The following RNF130 variants were observed in gnomAD, a reference collection of about 807,000 sequenced individuals.
The protein encoded by RNF130 is ring finger protein 130, also known as E3 ubiquitin-protein ligase RNF130.
RNF130 carries 21 observed loss-of-function variants against 44.6 expected under a neutral mutation model. That is an observed-to-expected ratio of 0.47 (90% CI 0.33 to 0.68). RNF130 has a LOEUF of 0.68. Among genes scored for constraint, RNF130 ranks in the 30% least tolerant of loss-of-function variants. The pLI is 0.02. For missense variants in RNF130, 479 were observed against 560.6 expected, an observed-to-expected ratio of 0.85 and a Z score of 1.47; for synonymous variants, 214 against 210.4, an observed-to-expected ratio of 1.02 and a Z score of -0.15.
Position 179,980,162 on chromosome 5 carries a change from T to C in RNF130, c.732A>G (p.Lys244=), listed in dbSNP as rs1445219526. 1 of 1,614,190 alleles carries C rather than the reference T, an allele frequency of 6.2e-7. No individual in the cohort carries two copies. Among genetic ancestry groups the C allele is most frequent in the African/African-American group, 1.3e-5 (1 of 75,070 alleles). Residue 244 remains lysine, a synonymous_variant, in exon 4 of 9, where the codon AAA becomes AAG. Coordinates refer to ENST00000521389, the MANE Select transcript of RNF130 (RefSeq NM_018434.6). ...CCTTCTTTACTGTCCTGGTTGTCAA[T>C]TTACTGATGGCTTTCTTGGCTGCAT... ...LGDAAKKAIS[K]LTTRTVKKGD...
chr5:179,981,130 G>A (rs1381116353), intron 3 of RNF130, among the ~76,000 whole-genome samples: 5 of 152,032 alleles, frequency 3.3e-5, no homozygotes, highest in Admixed American at 6.6e-5. Flanking sequence ...GTGGGTTCCA[G>A]GCAAAGTAAT....
At chr5:179,915,301 T>G (rs560064606) in exon 8 of RNF130, 18 of 152,218 alleles carry the variant, frequency 1.2e-4, no homozygotes, top group African/African-American at 4.3e-4. Flanking sequence ...TGCACTCCAG[T>G]CTGGGCGACA....
intron 2 of RNF130, among the ~76,000 whole-genome samples, chr5:180,019,360 G>A (rs1763820117): frequency 1.3e-5 from 2 of 151,374 alleles, no homozygotes; most frequent in Non-Finnish European, 2.9e-5. Context: ...CTCCAGCCTG[G>A]GCGACAGAGC....
At chr5:179,984,463 C>T (rs762286621) in intron 3 of RNF130, among the ~76,000 whole-genome samples, 5 of 152,110 alleles carry the variant, frequency 3.3e-5, no homozygotes, top group Admixed American at 6.6e-5. Context: ...AATCAGGAAT[C>T]GATGTTGGAC....
chr5:179,927,486 C>T (rs966341832), intron 7 of RNF130, among the ~76,000 whole-genome samples: 4 of 152,198 alleles, frequency 2.6e-5, no homozygotes, highest in African/African-American at 9.6e-5. Context: ...ATACTACCAG[C>T]GCCCTACAAG....
chr5:179,986,686 C>T (rs971636809), intron 3 of RNF130, among the ~76,000 whole-genome samples: 1 of 152,154 alleles, frequency 6.6e-6, no homozygotes, highest in Non-Finnish European at 1.5e-5. Context: ...TACATTTCTT[C>T]CAACTGTGAA....
In RNF130 at chr5:179,978,197, A is replaced by G. The variant is rs1762759287; in HGVS notation, c.848+6T>C. 1 of 1,603,752 alleles carries G rather than the reference A, an allele frequency of 6.2e-7. No homozygotes were observed. The highest frequency in any genetic ancestry group is 1.3e-5 in the African/African-American group (1 of 74,692). ...ATTCTTTCTCAAACAAATGAAGTTG[A>G]CATACTTGCAGGGGAGAATTCGGAC... is the stretch of plus-strand genomic sequence containing the variant. On this transcript the variant is annotated splice_donor_region_variant and intron_variant, in intron 5 of 8. Transcript: ENST00000521389.
chr5:180,003,261 G>A (rs11740637), intron 3 of RNF130, among the ~76,000 whole-genome samples: 12,692 of 152,194 alleles, frequency 0.083, 637 homozygotes, highest in Middle Eastern at 0.15. Context: ...CTTCTGGCTC[G>A]GTGATGAGCC....
intron 5 of RNF130, among the ~76,000 whole-genome samples, chr5:179,972,019 T>C (rs927939582): frequency 4.6e-5 from 7 of 152,230 alleles, no homozygotes; most frequent in African/African-American, 1.7e-4. Flanking sequence ...AGGCATTTAT[T>C]TAAACCTTAA....
chr5:180,013,216 C>T lies in RNF130; in HGVS notation c.538G>A (p.Ala180Thr). 6.2e-7 allele frequency: 1 copy of T among 1,614,156 alleles called. No homozygotes were observed. The highest frequency in any genetic ancestry group is 8.5e-7 in the Non-Finnish European group (1 of 1,180,024). ...EKNISVQMTIAVGTRMPPKNF... is the reference protein window; with the variant it reads ...EKNISVQMTITVGTRMPPKNF... ...TTCGGTGGCATTCGAGTTCCAACAG[C>T]TATTGTCATTTGTACAGAGATGTTT... is the stretch of plus-strand genomic sequence containing the variant. The change falls in exon 3 of 9, where the codon GCT becomes ACT. Residue 180 changes from alanine to threonine, a missense_variant. By Grantham distance (58) the Ala-to-Thr change is moderately conservative. This residue lies in a region of RNF130 where 180 missense variants were observed against 275.1 expected (regional missense o/e 0.65). Transcript: ENST00000521389.
chr5:179,957,228 A>G (rs956242598), intron 8 of RNF130, among the ~76,000 whole-genome samples: 2 of 152,204 alleles, frequency 1.3e-5, no homozygotes, highest in African/African-American at 4.8e-5. Flanking sequence ...CCTGGCCCAC[A>G]TGGCAAAACC....
chr5:179,962,835 C>T (rs1417231123), intron 8 of RNF130, among the ~76,000 whole-genome samples: 7 of 152,118 alleles, frequency 4.6e-5, no homozygotes, highest in Non-Finnish European at 7.4e-5. Flanking sequence ...CAAACCATCC[C>T]GCCACTAACC....
chr5:179,934,710 T>C (rs997162746), intron 7 of RNF130, among the ~76,000 whole-genome samples: 1 of 152,004 alleles, frequency 6.6e-6, no homozygotes, highest in African/African-American at 2.4e-5. Context: ...ATCCGGCTAC[T>C]TTATTTTTAT....
chr5:179,974,516 C>A (rs539210382), intron 5 of RNF130, among the ~76,000 whole-genome samples: 1 of 152,184 alleles, frequency 6.6e-6, no homozygotes, highest in Non-Finnish European at 1.5e-5. Context: ...GGAAACGTCA[C>A]GTGGCAAGAA....
intron 5 of RNF130, among the ~76,000 whole-genome samples, chr5:179,971,207 G>A (rs1015138729): frequency 6.6e-5 from 10 of 152,086 alleles, no homozygotes; most frequent in African/African-American, 1.7e-4. Flanking sequence ...TGTGCCCTCC[G>A]GAAGAGCTGC....
At chr5:179,983,960 G>T (rs746103840) in intron 3 of RNF130, among the ~76,000 whole-genome samples, 1 of 152,148 alleles carries the variant, frequency 6.6e-6, no homozygotes, top group Non-Finnish European at 1.5e-5. Context: ...TGTTGCCCAG[G>T]CTGGACTCAA....
chr5:179,928,990 C>A (rs948907681), intron 7 of RNF130, among the ~76,000 whole-genome samples: 1 of 152,134 alleles, frequency 6.6e-6, no homozygotes, highest in Non-Finnish European at 1.5e-5. Context: ...AATTATCTAA[C>A]TTTTATTTTA....
At chr5:180,055,590 C>T (rs908292861) in intron 1 of RNF130, among the ~76,000 whole-genome samples, 6 of 152,086 alleles carry the variant, frequency 3.9e-5, no homozygotes, top group African/African-American at 9.7e-5. Flanking sequence ...CTCATTCATC[C>T]GTTTGTTTTC....
chr5:179,911,667 G>A (rs551680895), exon 8 of RNF130: 1 of 152,332 alleles, frequency 6.6e-6, no homozygotes, highest in Admixed American at 6.5e-5. Context: ...TTTTCAATAG[G>A]TTTTTATTGA....
Sources: allele counts gnomAD v4.1 joint callset (sites outside exome capture counted in the v4.1 genomes callset), GRCh38; gene constraint gnomAD v4.1.1; regional missense constraint gnomAD v4.1.1; transcripts MANE v1.5; gene names NCBI Gene and HGNC (gene_info 2026-07-23, HGNC 2026-07-21).